Variants in ERBIN observed in about 807,000 individuals in gnomAD.
The protein encoded by ERBIN is densin-180-like protein.
A neutral mutation model predicts 158.4 loss-of-function variants in ERBIN; 60 were observed. The ratio of observed to expected loss-of-function variants is 0.38; its 90% CI spans 0.31 to 0.47. The LOEUF (loss-of-function observed/expected upper bound fraction) is 0.47, where lower values mean the gene tolerates loss of function less well. Ranked by LOEUF, ERBIN falls within the 20% of genes least tolerant of loss-of-function variation. ERBIN has a pLI of 0.99. For missense variants in ERBIN, 1,610 were observed against 1,648.0 expected, an observed-to-expected ratio of 0.98 and a Z score of 0.40; for synonymous variants, 594 against 557.2, an observed-to-expected ratio of 1.07 and a Z score of -0.93.
intron 14 of ERBIN, among the ~76,000 whole-genome samples, chr5:66,033,621 T>G (rs1446056842): frequency 1.3e-5 from 2 of 152,170 alleles, no homozygotes; most frequent in African/African-American, 4.8e-5. Context: ...AAACCCAGAT[T>G]GAAGGAGTTT....
In ERBIN at chr5:66,080,459, T is replaced by C. The variant is rs760556228; in HGVS notation, c.*1929T>C. Reference sequence around the variant, plus strand: ...GCTGTATTTTGATAAAATTCACTTATTGTATGTGTGTTGTAATCTAAAAAA... The same window carrying C: ...GCTGTATTTTGATAAAATTCACTTACTGTATGTGTGTTGTAATCTAAAAAA... On this transcript the variant is annotated 3_prime_UTR_variant, in exon 26 of 26. Coordinates refer to ENST00000284037, the MANE Select transcript of ERBIN (RefSeq NM_001253697.2). 3 of 151,804 alleles carry C rather than the reference T, an allele frequency of 2.0e-5. No individual in the cohort carries two copies. Among genetic ancestry groups the C allele is most frequent in the Non-Finnish European group, 4.4e-5 (3 of 67,860 alleles). The allele number at this position is 151,804 out of a possible 1,614,324, so 9.4% of individuals were successfully genotyped here. A position where few individuals can be genotyped will look rare whatever the true frequency, so the allele number is the denominator to read the frequency against.
At chr5:65,965,891 A>G (rs189288569) in intron 1 of ERBIN, among the ~76,000 whole-genome samples, 11 of 152,358 alleles carry the variant, frequency 7.2e-5, no homozygotes, top group Admixed American at 2.0e-4. Context: ...GTATATATTT[A>G]GTCATGCCTG....
Position 66,055,131 on chromosome 5 carries a change from G to A in ERBIN, c.3633+180G>A, listed in dbSNP as rs546386346. On this transcript the variant is annotated intron_variant, in intron 21 of 25. Transcript: ENST00000284037. ...CAGGACAATTGGGATGATAATGTGT[G>A]TTTCTATCCTCTCCTTCACTCCCCA... 2.9e-4 allele frequency: 395 copies of A among 1,360,688 alleles called. 1 individual carries two copies. The highest frequency in any genetic ancestry group is 3.6e-4 in the Admixed American group (11 of 30,746). 84.3% of individuals were successfully genotyped at this position (1,360,688 alleles called of 1,614,324 possible).
At position 66,024,533 on chromosome 5, in the gene ERBIN, A is replaced by G. The variant is rs1580385312; in HGVS notation, c.817+83A>G. On this transcript the variant is annotated intron_variant, in intron 10 of 25. Transcript: ENST00000284037. The stretch of plus-strand genomic sequence containing the variant: ...ATAATCTCAAATTTCACTTGTTATG[A>G]GGTAGTTATACTTCGTTACCACAGG... The G allele has an allele frequency of 3.0e-6, 4 of 1,353,832 alleles. No individual in the cohort carries two copies. In the East Asian group the frequency reaches 9.7e-5, roughly 33 times the overall value. The allele number at this position is 1,353,832 out of a possible 1,614,324, so 83.9% of individuals were successfully genotyped here.
chr5:65,941,746 G>C (rs972522668), intron 1 of ERBIN, among the ~76,000 whole-genome samples: 16 of 151,866 alleles, frequency 1.1e-4, no homozygotes, highest in Non-Finnish European at 1.6e-4. Context: ...CTTTCTTGTA[G>C]TATTTTTTTT....
intron 4 of ERBIN, 84 bp downstream of exon 4, chr5:65,994,948 A>C: frequency 2.5e-6 from 2 of 809,572 alleles, no homozygotes; most frequent in Non-Finnish European, 4.0e-6. Flanking sequence ...AAAAATAAAA[A>C]TATAAAAATA....
intron 1 of ERBIN, among the ~76,000 whole-genome samples, chr5:65,968,072 G>A (rs73762621): frequency 0.04 from 6,121 of 152,256 alleles, 419 homozygotes; most frequent in African/African-American, 0.14. Context: ...TTTAAGAAGC[G>A]TGTCACCAAG....
chr5:66,032,248 G>T (rs1756964610), intron 14 of ERBIN, among the ~76,000 whole-genome samples: 1 of 152,164 alleles, frequency 6.6e-6, no homozygotes, highest in Non-Finnish European at 1.5e-5. Context: ...TCTCAAGGAT[G>T]GCAAATAAGA....
At chr5:66,036,212 T>C (rs1040814024) in intron 14 of ERBIN, among the ~76,000 whole-genome samples, 1 of 152,214 alleles carries the variant, frequency 6.6e-6, no homozygotes, top group Non-Finnish European at 1.5e-5. Flanking sequence ...GGTCTCTGCC[T>C]CCAGTGTTGC....
At chr5:66,063,634 C>A (rs947474553) in intron 21 of ERBIN, among the ~76,000 whole-genome samples, 3 of 152,196 alleles carry the variant, frequency 2.0e-5, no homozygotes, top group African/African-American at 7.2e-5. Flanking sequence ...GCGTCGCTCA[C>A]GCTGGGAGCT....
intron 1 of ERBIN, among the ~76,000 whole-genome samples, chr5:65,947,546 A>T (rs1361414616): frequency 4.6e-5 from 7 of 152,242 alleles, no homozygotes; most frequent in African/African-American, 2.4e-5. Context: ...AGAAAATCAG[A>T]TCCAAGGAAA....
chr5:65,944,885 A>G (rs1745550580), intron 1 of ERBIN, among the ~76,000 whole-genome samples: 1 of 152,146 alleles, frequency 6.6e-6, no homozygotes, highest in Admixed American at 6.5e-5. Flanking sequence ...CTGTTACTAG[A>G]TACATGATTT....
chr5:65,979,562 A>G lies in ERBIN; in HGVS notation c.-57-9073A>G, dbSNP rs549611631. ...ATTGTATAGGCTTATAGATGACCCA[A>G]TTATTGGAATTAGGAGAAAAGAACA... On this transcript the variant is annotated intron_variant, in intron 1 of 25. Transcript: ENST00000284037. Among the ~76,000 whole-genome samples the G allele has an allele frequency of 6.8e-4, 103 of 152,386 alleles. 2 individuals carry two copies. Among genetic ancestry groups the G allele is most frequent in the Non-Finnish European group, 7.1e-4 (48 of 68,038 alleles).
At chr5:65,998,199 G>C (rs1397659812) in intron 4 of ERBIN, among the ~76,000 whole-genome samples, 1 of 150,710 alleles carries the variant, frequency 6.6e-6, no homozygotes, top group Non-Finnish European at 1.5e-5. Context: ...CTGTACTCTA[G>C]CTTGGGCGAC....
At chr5:66,047,958 T>C (rs1758611069) in intron 18 of ERBIN, among the ~76,000 whole-genome samples, 1 of 151,814 alleles carries the variant, frequency 6.6e-6, no homozygotes, top group African/African-American at 2.4e-5. Flanking sequence ...CTGTGCTAAG[T>C]GTGTTAGAAA....
chr5:65,981,211 G>A (rs2151016219), intron 1 of ERBIN, among the ~76,000 whole-genome samples: 1 of 151,918 alleles, frequency 6.6e-6, no homozygotes, highest in South Asian at 2.1e-4. Context: ...TAAATCAAAT[G>A]GAAAATTAGA....
At chr5:66,037,583 A>G (rs1213194616) in intron 14 of ERBIN, among the ~76,000 whole-genome samples, 2 of 152,130 alleles carry the variant, frequency 1.3e-5, no homozygotes, top group Non-Finnish European at 2.9e-5. Context: ...AAATGGGAGT[A>G]AGATTACAGG....
At chr5:65,953,927 A>G (rs1580138528) in intron 1 of ERBIN, among the ~76,000 whole-genome samples, 2 of 152,210 alleles carry the variant, frequency 1.3e-5, no homozygotes, top group Middle Eastern at 6.8e-3. Context: ...CCCCTCCCCC[A>G]AACATTATAG....
chr5:65,984,797 C>T (rs1482235715), intron 1 of ERBIN: 1 of 151,486 alleles, frequency 6.6e-6, no homozygotes, highest in Admixed American at 6.6e-5. Flanking sequence ...AAGGTGACCT[C>T]GCAGTACTGG....
Sources: gnomAD v4.1 joint callset for allele counts (sites outside exome capture counted in the v4.1 genomes callset) on GRCh38, gnomAD v4.1.1 for gene constraint, MANE v1.5 for transcripts, NCBI Gene and HGNC (gene_info 2026-07-23, HGNC 2026-07-21) for gene names.